Variants in DIP2B observed in about 807,000 individuals in gnomAD.
DIP2B encodes the protein disco-interacting protein 2 homolog B.
DIP2B carries 76 observed loss-of-function variants against 198.0 expected under a neutral mutation model. The observed-to-expected ratio is 0.38, with a 90% CI of 0.32 to 0.46. The LOEUF is 0.46. DIP2B is among the 20% of genes least tolerant of loss of function. The probability of loss-of-function intolerance (pLI) is 0.99; values close to 1 mark genes in which losing one functional copy is unlikely to be tolerated. For synonymous variants in DIP2B, 701 were observed against 739.1 expected, an observed-to-expected ratio of 0.95 and a Z score of 0.84; for missense variants, 1,559 against 1,978.4, an observed-to-expected ratio of 0.79 and a Z score of 4.02.
intron 23 of DIP2B, among the ~76,000 whole-genome samples, chr12:50,717,359 C>CTTT (rs137945712): frequency 1.5e-4 from 7 of 46,858 alleles, no homozygotes; most frequent in East Asian, 7.7e-4. Context: ...CTCACTGCAG[C>CTTT]TTTTTTTTTT....
intron 3 of DIP2B, among the ~76,000 whole-genome samples, chr12:50,659,413 AT>A (rs932813114): frequency 6.6e-6 from 1 of 150,870 alleles, no homozygotes; most frequent in African/African-American, 2.4e-5. Flanking sequence ...AAAGGAAACT[AT>A]TTTTTTTGTG....
intron 1 of DIP2B, among the ~76,000 whole-genome samples, chr12:50,528,264 T>C (rs1399752492): frequency 2.6e-5 from 4 of 151,238 alleles, no homozygotes; most frequent in Non-Finnish European, 5.9e-5. Flanking sequence ...ATTTAGTGTC[T>C]CAGTGTCCTC....
intron 1 of DIP2B, among the ~76,000 whole-genome samples, chr12:50,548,835 C>T (rs1372475388): frequency 2.0e-5 from 3 of 152,144 alleles, no homozygotes; most frequent in Non-Finnish European, 4.4e-5. Context: ...TTGGCCTGCA[C>T]TTTTAAAGTG....
intron 1 of DIP2B, among the ~76,000 whole-genome samples, chr12:50,567,966 T>G (rs1171855533): frequency 2.0e-5 from 3 of 152,240 alleles, no homozygotes; most frequent in African/African-American, 7.2e-5. Flanking sequence ...TCATATTGAA[T>G]ATTACATTGT....
chr12:50,530,140 G>A (rs1260646714), intron 1 of DIP2B, among the ~76,000 whole-genome samples: 1 of 151,800 alleles, frequency 6.6e-6, no homozygotes, highest in Middle Eastern at 3.2e-3. Flanking sequence ...GCGGTGGCGC[G>A]ATCTCGGCTC....
At chr12:50,544,934 G>C (rs1197495328) in intron 1 of DIP2B, among the ~76,000 whole-genome samples, 1 of 152,012 alleles carries the variant, frequency 6.6e-6, no homozygotes, top group African/African-American at 2.4e-5. Flanking sequence ...TTTCTTAAAA[G>C]CTGGAGTAGT....
intron 2 of DIP2B, among the ~76,000 whole-genome samples, chr12:50,629,735 T>G (rs1265271131): frequency 6.6e-6 from 1 of 152,034 alleles, no homozygotes; most frequent in East Asian, 1.9e-4. Context: ...TACTAACCCC[T>G]CCCTGCATGC....
intron 1 of DIP2B, among the ~76,000 whole-genome samples, chr12:50,521,108 T>TG (rs1389670674): frequency 6.7e-6 from 1 of 149,402 alleles, no homozygotes; most frequent in Non-Finnish European, 1.5e-5. Context: ...TTTTTTTTTT[T>TG]TTTTTTTTTT....
chr12:50,626,195 A>G (rs907202429), intron 2 of DIP2B, 148 bp downstream of exon 2: 14 of 757,104 alleles, frequency 1.8e-5, no homozygotes, highest in Admixed American at 2.8e-5. Context: ...AAAGGAGGAA[A>G]TGAATCTTAA....
At chr12:50,596,988 T>C (rs1033405667) in intron 1 of DIP2B, among the ~76,000 whole-genome samples, 1 of 152,212 alleles carries the variant, frequency 6.6e-6, no homozygotes, top group African/African-American at 2.4e-5. Context: ...TTTAGAAATT[T>C]AAATTTTAAA....
At position 50,741,532 on chromosome 12, in the gene DIP2B, G is replaced by A. The variant is rs777261445; in HGVS notation, c.4471G>A (p.Ala1491Thr). The A allele has an allele frequency of 6.2e-7, 1 of 1,613,188 alleles. No homozygotes were observed. Among genetic ancestry groups the A allele is most frequent in the East Asian group, 2.2e-5 (1 of 44,880 alleles). The change falls in exon 37 of 38, where the codon GCT becomes ACT. Residue 1491 changes from alanine (A) to threonine (T), a missense_variant. Physicochemically the swap from Ala to Thr is moderately conservative, Grantham distance 58. Transcript: ENST00000301180. ...TSVSRIHRSIAECAVFTWTNL... is the reference protein window; with the variant it reads ...TSVSRIHRSITECAVFTWTNL... Reference sequence around the variant, plus strand: ...GGTGTCCCGGATCCACAGAAGCATTGCTGAATGGTAACTCCCTCAGCATAC... The same window carrying A: ...GGTGTCCCGGATCCACAGAAGCATTACTGAATGGTAACTCCCTCAGCATAC...
chr12:50,683,023 TTAAA>T (rs1939071219), intron 9 of DIP2B, 111 bp from the exon 10 acceptor site: 10 of 900,548 alleles, frequency 1.1e-5, no homozygotes, highest in Middle Eastern at 7.0e-4. Context: ...CAGATGGCTG[TTAAA>T]TAGTTTGATT....
chr12:50,723,306 G>C lies in DIP2B; in HGVS notation c.3271G>C (p.Val1091Leu), dbSNP rs772935961. 2 of 1,614,018 alleles carry C rather than the reference G, an allele frequency of 1.2e-6. No individual in the cohort carries two copies. Among genetic ancestry groups the C allele is most frequent in the Non-Finnish European group, 1.7e-6 (2 of 1,180,022 alleles). Residue 1091 changes from valine to leucine, a missense_variant, in exon 27 of 38, where the codon GTC (valine) becomes CTC (leucine). Val to Leu is a conservative substitution (Grantham distance 32). Transcript: ENST00000301180. ...AQNLTATLPT[V>L]RMIVDVSKAA... Reference sequence around the variant, plus strand: ...GAACCTCACGGCCACGCTGCCCACTGTCCGAATGATTGTTGATGTAAGTAC... The same window carrying C: ...GAACCTCACGGCCACGCTGCCCACTCTCCGAATGATTGTTGATGTAAGTAC...
intron 12 of DIP2B, among the ~76,000 whole-genome samples, chr12:50,687,235 C>G (rs536840381): frequency 6.6e-6 from 1 of 152,164 alleles, no homozygotes; most frequent in Non-Finnish European, 1.5e-5. Context: ...GTAGTCCTCA[C>G]AAGTACCCTG....
At chr12:50,693,468 T>C (rs1939254443) in intron 14 of DIP2B, among the ~76,000 whole-genome samples, 2 of 152,002 alleles carry the variant, frequency 1.3e-5, no homozygotes, top group South Asian at 4.2e-4. Flanking sequence ...GCCATATAGG[T>C]GGAGAGAGAA....
chr12:50,577,256 G>A (rs1958670394), intron 1 of DIP2B, among the ~76,000 whole-genome samples: 2 of 152,164 alleles, frequency 1.3e-5, no homozygotes, highest in African/African-American at 4.8e-5. Flanking sequence ...TGAGGGCCAG[G>A]CGCCATGGCT....
In DIP2B at chr12:50,518,928, CAG is replaced by C. The variant is rs368723587; in HGVS notation, c.100+13689_100+13690del. On this transcript the variant is annotated intron_variant, in intron 1 of 37. Coordinates refer to ENST00000301180, the MANE Select transcript of DIP2B (RefSeq NM_173602.3). ...GCTAATTTTTTATTTTTTGTAGAGA[CAG>C]GGGTCTCACTTTGTTGCTGCCCAGG... Among the ~76,000 whole-genome samples the C allele has an allele frequency of 5.4e-4, 82 of 152,054 alleles. No homozygotes were observed. In the South Asian group the frequency reaches 0.016, roughly 30 times the overall value.
At chr12:50,612,231 A>G (rs1407290635) in intron 1 of DIP2B, among the ~76,000 whole-genome samples, 3 of 152,092 alleles carry the variant, frequency 2.0e-5, no homozygotes, top group African/African-American at 7.2e-5. Flanking sequence ...TGGGCCACAG[A>G]GTGAGACCCT....
At chr12:50,568,511 A>AGT (rs982387431) in intron 1 of DIP2B, among the ~76,000 whole-genome samples, 1 of 152,090 alleles carries the variant, frequency 6.6e-6, no homozygotes, top group Non-Finnish European at 1.5e-5. Flanking sequence ...CAGCATTTTT[A>AGT]GTGTGTGTGT....
Sources: gnomAD v4.1 joint callset for allele counts (sites outside exome capture counted in the v4.1 genomes callset) on GRCh38, gnomAD v4.1.1 for gene constraint, MANE v1.5 for transcripts, NCBI Gene and HGNC (gene_info 2026-07-23, HGNC 2026-07-21) for gene names.